The following PKHD1L1 variants were observed in gnomAD, a reference collection of about 807,000 sequenced individuals.
The protein encoded by PKHD1L1 is PKHD1 like 1.
Under a neutral mutation model 462.9 loss-of-function variants are expected in PKHD1L1, and 434 were observed. That is an observed-to-expected ratio of 0.94 (90% CI 0.87 to 1.02). The LOEUF (loss-of-function observed/expected upper bound fraction) is 1.02, where lower values mean the gene tolerates loss of function less well. Ranked by LOEUF, PKHD1L1 falls within the 50% of genes least tolerant of loss-of-function variation. PKHD1L1 has a pLI of 0.00. For missense variants in PKHD1L1, 5,202 were observed against 5,096.1 expected (o/e 1.02, Z -0.63); for synonymous variants, 1,781 against 1,750.0 (o/e 1.02, Z -0.44).
chr8:109,454,028 C>G, intron 43 of PKHD1L1, 139 bp from the exon 44 acceptor site: 2 of 496,042 alleles, frequency 4.0e-6, no homozygotes, highest in Non-Finnish European at 7.0e-6. Context: ...TGCATAACAA[C>G]AGCAGAACAT....
intron 1 of PKHD1L1, among the ~76,000 whole-genome samples, chr8:109,363,877 A>G (rs1423958252): frequency 1.3e-5 from 2 of 152,164 alleles, no homozygotes; most frequent in African/African-American, 4.8e-5. Flanking sequence ...CGTGGCCTCT[A>G]TGCTCTCCTC....
chr8:109,464,256 C>A lies in PKHD1L1; in HGVS notation c.7424C>A (p.Pro2475Gln). 1.2e-6 allele frequency: 2 copies of A among 1,610,992 alleles called. No individual in the cohort carries two copies. Among genetic ancestry groups the A allele is most frequent in the South Asian group, 1.1e-5 (1 of 90,858 alleles). The change falls in exon 49 of 78, where the codon CCA becomes CAA. Residue 2475 changes from proline (P) to glutamine (Q), a missense_variant. Physicochemically the swap from Pro to Gln is moderately conservative, Grantham distance 76. Around this residue, in one of 3 missense-constraint regions of PKHD1L1, gnomAD observed 4,497 missense variants for 4,336.8 expected, o/e 1.04. Coordinates refer to ENST00000378402, the MANE Select transcript of PKHD1L1 (RefSeq NM_177531.6). ...CAGGCTTTCCGGTTGGGGCGATATC[C>A]AATACATTGGCACCTGCTTGGAGAC... The part of the protein sequence containing the change: ...AGQAFRLGRY[P>Q]IHWHLLGDLQ...
chr8:109,503,360 T>C (rs1351355321), intron 67 of PKHD1L1, among the ~76,000 whole-genome samples: 6 of 151,112 alleles, frequency 4.0e-5, no homozygotes, highest in Admixed American at 3.9e-4. Context: ...TTGCAGCCAA[T>C]ACTTATAGGA....
intron 76 of PKHD1L1, 133 bp from the exon 77 acceptor site, chr8:109,526,651 T>C: frequency 1.3e-6 from 1 of 790,418 alleles, no homozygotes; most frequent in Non-Finnish European, 2.0e-6. Context: ...AACTAATTTA[T>C]TTGACTCAAC....
intron 63 of PKHD1L1, among the ~76,000 whole-genome samples, chr8:109,495,463 A>G (rs980798787): frequency 6.6e-6 from 1 of 152,086 alleles, no homozygotes; most frequent in African/African-American, 2.4e-5. Context: ...CAACTGAAAT[A>G]TGAAACATCA....
rs1816720851 is a variant in PKHD1L1 at position 109,454,718 on chromosome 8, T to C, written c.6745-5T>C. 1 of 1,612,676 alleles carries C rather than the reference T, an allele frequency of 6.2e-7. No individual in the cohort carries two copies. Among genetic ancestry groups the C allele is most frequent in the Non-Finnish European group, 8.5e-7 (1 of 1,179,320 alleles). On this transcript the variant is annotated splice_polypyrimidine_tract_variant and splice_region_variant and intron_variant, in intron 44 of 77. Coordinates refer to ENST00000378402, the MANE Select transcript of PKHD1L1 (RefSeq NM_177531.6). ...TCTGAATGGCATTTGTGACATCTTT[T>C]GCAGATTGGAACAGAGACATCCCCA...
rs1327057218 is a variant in PKHD1L1, at chr8:109,442,130, C to G, written c.4328C>G (p.Ser1443Cys). 2.5e-6 allele frequency: 4 copies of G among 1,613,296 alleles called. No individual in the cohort carries two copies. The South Asian group carries it at 4.4e-5, about 18-fold the overall frequency. ...RGIGYRIFSV[S>C]SPGSVIYDGK... ...ATAGGATATAGGATTTTTTCTGTCT[C>G]CAGTCCTGGAAGTGTAATTTATGAT... is the stretch of plus-strand genomic sequence containing the variant. Residue 1443 changes from serine (S) to cysteine (C), a missense_variant, in exon 35 of 78, where the codon TCC becomes TGC. Transcript: ENST00000378402.
chr8:109,400,026 C>T, intron 12 of PKHD1L1, 50 bp from the exon 13 acceptor site: 1 of 1,525,332 alleles, frequency 6.6e-7, no homozygotes, highest in Non-Finnish European at 8.9e-7. Flanking sequence ...GCCATTGAGG[C>T]ATTGCATTAT....
At chr8:109,413,376 T>C in intron 20 of PKHD1L1, 45 bp from the exon 21 acceptor site, 1 of 1,275,474 alleles carries the variant, frequency 7.8e-7, no homozygotes, top group African/African-American at 1.5e-5. Context: ...TGAAACAATG[T>C]AATGGTAATA....
chr8:109,440,876 G>A, intron 33 of PKHD1L1, 24 bp downstream of exon 33: 3 of 1,604,594 alleles, frequency 1.9e-6, no homozygotes, highest in Non-Finnish European at 2.6e-6. Context: ...TCATAGGAAA[G>A]TGATTATCAT....
At chr8:109,446,535 G>A (rs1816151561) in intron 38 of PKHD1L1, among the ~76,000 whole-genome samples, 1 of 152,162 alleles carries the variant, frequency 6.6e-6, no homozygotes, top group African/African-American at 2.4e-5. Flanking sequence ...ACATCACAGG[G>A]AAATGTATCA....
Position 109,391,409 on chromosome 8 carries a change from A to G in PKHD1L1, c.740+915A>G, listed in dbSNP as rs911004912. Among the ~76,000 whole-genome samples the G allele has an allele frequency of 1.3e-5, 2 of 152,282 alleles. 1 individual carries two copies. Among genetic ancestry groups the G allele is most frequent in the Admixed American group, 1.3e-4 (2 of 15,294 alleles). On this transcript the variant is annotated intron_variant, in intron 9 of 77. Coordinates refer to ENST00000378402, the MANE Select transcript of PKHD1L1 (RefSeq NM_177531.6). ...CATTTCATCACTGCTTACCATCCTG[A>G]TCCAGGATTTCATACCATAGCAGGA... is the stretch of plus-strand genomic sequence containing the variant.
chr8:109,528,537 C>T (rs909964166), intron 77 of PKHD1L1, among the ~76,000 whole-genome samples: 1 of 152,130 alleles, frequency 6.6e-6, no homozygotes, highest in Admixed American at 6.6e-5. Flanking sequence ...ATATCTATAC[C>T]TAGGCTGCCA....
intron 2 of PKHD1L1, among the ~76,000 whole-genome samples, chr8:109,368,636 T>C (rs1475922556): frequency 2.6e-5 from 4 of 152,226 alleles, no homozygotes; most frequent in East Asian, 3.8e-4. Context: ...AACTTTTAAG[T>C]AGGTGAATAC....
intron 21 of PKHD1L1, among the ~76,000 whole-genome samples, chr8:109,415,866 T>C (rs754727889): frequency 1.9e-4 from 14 of 74,912 alleles, no homozygotes; most frequent in Non-Finnish European, 4.0e-4. Flanking sequence ...AAAAAAGGGG[T>C]GTGTGTGTGT....
At chr8:109,402,333 A>T (rs1305329891) in intron 14 of PKHD1L1, among the ~76,000 whole-genome samples, 1 of 152,186 alleles carries the variant, frequency 6.6e-6, no homozygotes, top group Non-Finnish European at 1.5e-5. Context: ...GCACAATTTT[A>T]TAGTTGGCTG....
intron 76 of PKHD1L1, among the ~76,000 whole-genome samples, chr8:109,524,921 TCTC>T (rs1272560945): frequency 6.7e-6 from 1 of 148,750 alleles, no homozygotes; most frequent in Non-Finnish European, 1.5e-5. Flanking sequence ...TTCCTCTCTC[TCTC>T]CTCTTTTCTT....
At chr8:109,405,744 G>A (rs749295817) in intron 16 of PKHD1L1, among the ~76,000 whole-genome samples, 1 of 152,020 alleles carries the variant, frequency 6.6e-6, no homozygotes. Context: ...AATGCATACT[G>A]GGCTTAATAC....
chr8:109,420,494 A>G (rs1252450785), intron 22 of PKHD1L1, 24 bp from the exon 23 acceptor site: 1 of 1,450,358 alleles, frequency 6.9e-7, no homozygotes, highest in Non-Finnish European at 9.1e-7. Context: ...ACACCAACCT[A>G]ATATTTTTAT....
Sources: allele counts gnomAD v4.1 joint callset (sites outside exome capture counted in the v4.1 genomes callset), GRCh38; gene constraint gnomAD v4.1.1; regional missense constraint gnomAD v4.1.1; transcripts MANE v1.5; gene names NCBI Gene and HGNC (gene_info 2026-07-23, HGNC 2026-07-21).